The following COL25A1 variants were observed in gnomAD, a reference collection of about 807,000 sequenced individuals.
The protein encoded by COL25A1 is collagen type XXV alpha 1 chain, also known as collagen alpha-1(XXV) chain.
A neutral mutation model predicts 128.4 loss-of-function variants in COL25A1; 103 were observed. The observed-to-expected ratio is 0.80, with a 90% confidence interval of 0.68 to 0.94. The LOEUF is 0.94. COL25A1 is among the 40% of genes least tolerant of loss of function. The pLI, the probability that COL25A1 is intolerant of heterozygous loss-of-function variation, is 0.00. For synonymous variants in COL25A1, 279 were observed against 277.2 expected, an observed-to-expected ratio of 1.01 and a Z score of -0.06; for missense variants, 745 against 840.0, an observed-to-expected ratio of 0.89 and a Z score of 1.40.
At chr4:109,077,782 C>A (rs765179166) in intron 3 of COL25A1, among the ~76,000 whole-genome samples, 1 of 152,136 alleles carries the variant, frequency 6.6e-6, no homozygotes, top group Non-Finnish European at 1.5e-5. Context: ...AGATCAAGTG[C>A]CGAAGGATAA....
chr4:109,195,901 T>C lies in COL25A1; in HGVS notation c.367+104682A>G, dbSNP rs539295011. Among the ~76,000 whole-genome samples, 14 of 152,314 alleles carry C rather than the reference T, an allele frequency of 9.2e-5. No individual in the cohort carries two copies. The South Asian group carries it at 2.9e-3, about 32-fold the overall frequency. ...TTTTTCATTTTCCTGTATTCTATGA[T>C]GGAATTGAATGTGGTAAGTATACTT... On this transcript the variant is annotated intron_variant, in intron 3 of 37. Coordinates refer to ENST00000399132, the MANE Select transcript of COL25A1 (RefSeq NM_198721.4).
At chr4:108,958,310 A>T (rs1750300739) in intron 8 of COL25A1, among the ~76,000 whole-genome samples, 1 of 152,098 alleles carries the variant, frequency 6.6e-6, no homozygotes. Flanking sequence ...ATGTTCCATT[A>T]ACCCAACTGC....
At chr4:109,155,797 T>C (rs146136705) in intron 3 of COL25A1, among the ~76,000 whole-genome samples, 2 of 152,282 alleles carry the variant, frequency 1.3e-5, no homozygotes, top group East Asian at 1.9e-4. Context: ...CAGGCACCAT[T>C]ATGTAAGTAG....
intron 3 of COL25A1, among the ~76,000 whole-genome samples, chr4:109,234,893 G>GA (rs1779370840): frequency 1.3e-5 from 2 of 151,746 alleles, no homozygotes; most frequent in African/African-American, 2.4e-5. Flanking sequence ...TTTTTCAGAG[G>GA]AAAAAACACT....
intron 6 of COL25A1, among the ~76,000 whole-genome samples, chr4:108,984,791 G>C (rs912331574): frequency 9.9e-5 from 15 of 152,260 alleles, no homozygotes; most frequent in Non-Finnish European, 1.9e-4. Context: ...AGCCCAGAAA[G>C]GGGCTCCCAT....
chr4:109,255,077 TA>T (rs1271488827), intron 3 of COL25A1, among the ~76,000 whole-genome samples: 2 of 152,222 alleles, frequency 1.3e-5, no homozygotes, highest in African/African-American at 4.8e-5. Flanking sequence ...GCAGTTGAAC[TA>T]TTTTTAAAAA....
At chr4:108,831,982 G>C (rs1430614394) in intron 32 of COL25A1, among the ~76,000 whole-genome samples, 2 of 152,162 alleles carry the variant, frequency 1.3e-5, no homozygotes, top group African/African-American at 4.8e-5. Flanking sequence ...TTGGAAAAAA[G>C]TTATAACCTG....
At chr4:109,245,639 AC>A (rs1391839477) in intron 3 of COL25A1, among the ~76,000 whole-genome samples, 1 of 152,182 alleles carries the variant, frequency 6.6e-6, no homozygotes, top group Non-Finnish European at 1.5e-5. Context: ...GTTCATGAGT[AC>A]AGCGGCAGCT....
chr4:109,010,138 A>C (rs531892662), intron 6 of COL25A1, among the ~76,000 whole-genome samples: 1 of 152,350 alleles, frequency 6.6e-6, no homozygotes, highest in African/African-American at 2.4e-5. Context: ...TTTATATGAT[A>C]GTACATTGTT....
chr4:109,188,265 C>T (rs1775308357), intron 3 of COL25A1, among the ~76,000 whole-genome samples: 1 of 152,184 alleles, frequency 6.6e-6, no homozygotes, highest in African/African-American at 2.4e-5. Flanking sequence ...GTTCTTTCCT[C>T]ACTAACTCTC....
chr4:109,174,382 G>A (rs1313251525), intron 3 of COL25A1, among the ~76,000 whole-genome samples: 1 of 152,070 alleles, frequency 6.6e-6, no homozygotes, highest in Non-Finnish European at 1.5e-5. Context: ...TTTTATCACA[G>A]GGACCAGACA....
At chr4:109,044,649 T>C (rs1290062372) in intron 5 of COL25A1, among the ~76,000 whole-genome samples, 2 of 152,012 alleles carry the variant, frequency 1.3e-5, no homozygotes, top group Non-Finnish European at 2.9e-5. Flanking sequence ...GTTTGAGAAA[T>C]TTACTCGATG....
chr4:109,282,220 T>C (rs960371116), intron 3 of COL25A1, among the ~76,000 whole-genome samples: 3 of 152,146 alleles, frequency 2.0e-5, no homozygotes, highest in African/African-American at 4.8e-5. Context: ...AAAAACACAG[T>C]AAAATGTTGA....
At chr4:109,119,385 G>C (rs527546283) in intron 3 of COL25A1, among the ~76,000 whole-genome samples, 1 of 151,976 alleles carries the variant, frequency 6.6e-6, no homozygotes, top group African/African-American at 2.4e-5. Context: ...GAAATTAATA[G>C]AGAAAATCGG....
chr4:109,276,611 G>C (rs961668732), intron 3 of COL25A1, among the ~76,000 whole-genome samples: 1 of 151,996 alleles, frequency 6.6e-6, no homozygotes, highest in African/African-American at 2.4e-5. Flanking sequence ...AAGAGGTTAG[G>C]GAAGGAAACA....
intron 3 of COL25A1, among the ~76,000 whole-genome samples, chr4:109,187,015 G>C (rs1423065266): frequency 6.6e-6 from 1 of 152,152 alleles, no homozygotes; most frequent in African/African-American, 2.4e-5. Flanking sequence ...ACAACCCTTA[G>C]GGGTATGATT....
At chr4:109,017,465 G>A (rs1757326132) in intron 5 of COL25A1, among the ~76,000 whole-genome samples, 1 of 152,202 alleles carries the variant, frequency 6.6e-6, no homozygotes, top group Non-Finnish European at 1.5e-5. Context: ...AAAGGATCCT[G>A]TGACATTGTC....
intron 3 of COL25A1, among the ~76,000 whole-genome samples, chr4:109,132,935 T>C (rs1355658674): frequency 6.6e-6 from 1 of 151,992 alleles, no homozygotes; most frequent in Non-Finnish European, 1.5e-5. Flanking sequence ...AAAATAGGAG[T>C]ATTAGACTTA....
intron 3 of COL25A1, among the ~76,000 whole-genome samples, chr4:109,085,491 A>G (rs547437887): frequency 6.6e-6 from 1 of 152,308 alleles, no homozygotes; most frequent in African/African-American, 2.4e-5. Context: ...GGACAACTAT[A>G]AAGTTCTAAG....
Sources: gnomAD v4.1 joint callset for allele counts (sites outside exome capture counted in the v4.1 genomes callset) on GRCh38, gnomAD v4.1.1 for gene constraint, MANE v1.5 for transcripts, NCBI Gene and HGNC (gene_info 2026-07-23, HGNC 2026-07-21) for gene names.